Variants in CUBN observed in about 807,000 individuals in gnomAD.
CUBN encodes the protein 460 kDa receptor.
In CUBN, 282 loss-of-function variants were observed where a neutral mutation model predicts 405.3. That is an observed-to-expected ratio of 0.70 (90% CI 0.63 to 0.77). The LOEUF is 0.77. Ranked by LOEUF, CUBN falls within the 30% of genes least tolerant of loss-of-function variation. The pLI is 0.00. For synonymous variants in CUBN, 1,684 were observed against 1,617.0 expected (o/e 1.04, Z -0.99); for missense variants, 4,514 against 4,475.2 (o/e 1.01, Z -0.25).
chr10:16,924,134 G>A (rs1842116647), intron 43 of CUBN, among the ~76,000 whole-genome samples: 1 of 152,110 alleles, frequency 6.6e-6, no homozygotes, highest in Non-Finnish European at 1.5e-5. Flanking sequence ...TGTAGGATGG[G>A]TAGGATGGGC....
intron 14 of CUBN, among the ~76,000 whole-genome samples, chr10:17,097,096 A>C (rs890785663): frequency 6.6e-6 from 1 of 152,154 alleles, no homozygotes; most frequent in African/African-American, 2.4e-5. Context: ...GAAAATGATA[A>C]AACCATGAGG....
At chr10:16,908,125 T>C (rs1206644743) in intron 48 of CUBN, among the ~76,000 whole-genome samples, 2 of 152,138 alleles carry the variant, frequency 1.3e-5, no homozygotes, top group African/African-American at 2.4e-5. Context: ...AGCAGATATT[T>C]TTCTTTATTT....
chr10:16,995,570 G>GTGATCCACCTTTCCCTCCCA (rs1261171928), intron 28 of CUBN, among the ~76,000 whole-genome samples: 3 of 151,958 alleles, frequency 2.0e-5, no homozygotes, highest in African/African-American at 7.3e-5. Flanking sequence ...CTAGGCTCAA[G>GTGATCCACCTTTCCCTCCCA]TGATCCACCT....
In CUBN at chr10:17,067,101, T is replaced by C. The variant is rs545310698; in HGVS notation, c.3008+963A>G. On this transcript the variant is annotated intron_variant, in intron 21 of 66. Transcript: ENST00000377833. The stretch of plus-strand genomic sequence containing the variant: ...GCAGCCAAAAACATAAAATTGAAAA[T>C]GTCTGGTATCCCACTGAATATTACC... Among the ~76,000 whole-genome samples, 547 of 152,210 alleles carry C rather than the reference T, an allele frequency of 3.6e-3. 3 individuals are homozygous for C. The highest frequency in any genetic ancestry group is 0.013 in the African/African-American group (524 of 41,536).
At chr10:17,000,734 G>A (rs539403724) in intron 28 of CUBN, among the ~76,000 whole-genome samples, 1 of 152,286 alleles carries the variant, frequency 6.6e-6, no homozygotes, top group East Asian at 1.9e-4. Flanking sequence ...ACTGAGTTTT[G>A]TGTTCTGATT....
In CUBN at chr10:16,899,016, A is replaced by C. The variant is rs138719573; in HGVS notation, c.8578T>G (p.Cys2860Gly). The C allele has an allele frequency of 3.1e-6, 5 of 1,612,878 alleles. No individual in the cohort carries two copies. In the Admixed American group the frequency reaches 6.7e-5, roughly 22 times the overall value. The change falls in exon 54 of 67, where the codon TGT becomes GGT. Residue 2860 changes from cysteine to glycine, a missense_variant. By Grantham distance (159) the Cys-to-Gly change is radical. Transcript: ENST00000377833. Reference sequence around the variant, plus strand: ...CTAACCTTCACGAAGCTATTCTGACATTGTCCATCACCGCTGGGGATTAGG... The same window carrying C: ...CTAACCTTCACGAAGCTATTCTGACCTTGTCCATCACCGCTGGGGATTAGG... ...NFLIPSGDGQ[C>G]QNSFVKVWAG... is the part of the protein sequence containing the mutation.
rs185804946 is a variant in CUBN, at chr10:16,904,627, C to T, written c.7913-512G>A. ...AATATTTTTCATGAAGATTACATTTCGTGGGTTTGATGAACATGTACAGAG... is the reference window on the plus strand; with the variant it reads ...AATATTTTTCATGAAGATTACATTTTGTGGGTTTGATGAACATGTACAGAG... On this transcript the variant is annotated intron_variant, in intron 50 of 66. Coordinates refer to ENST00000377833, the MANE Select transcript of CUBN (RefSeq NM_001081.4). Among the ~76,000 whole-genome samples the T allele has an allele frequency of 1.6e-3, 250 of 152,328 alleles. 2 individuals are homozygous for T. The highest frequency in any genetic ancestry group is 5.6e-3 in the South Asian group (27 of 4,828).
Position 16,888,416 on chromosome 10 carries a change from C to A in CUBN, c.8905+1G>T. Reference sequence around the variant, plus strand: ...TAATTTTTTTAAAAGAATAAACTTACCTTCTAAGTGGAAGGACACAAAAGT... The same window carrying A: ...TAATTTTTTTAAAAGAATAAACTTAACTTCTAAGTGGAAGGACACAAAAGT... On this transcript the variant is annotated splice_donor_variant, in intron 56 of 66. Coordinates refer to ENST00000377833, the MANE Select transcript of CUBN (RefSeq NM_001081.4). LOFTEE classifies it high-confidence loss of function. 1.2e-6 allele frequency: 2 copies of A among 1,611,848 alleles called. No individual in the cohort carries two copies. Among genetic ancestry groups the A allele is most frequent in the Non-Finnish European group, 1.7e-6 (2 of 1,178,142 alleles).
intron 22 of CUBN, among the ~76,000 whole-genome samples, chr10:17,063,241 C>T (rs1020504199): frequency 3.3e-5 from 5 of 152,176 alleles, no homozygotes; most frequent in African/African-American, 1.2e-4. Flanking sequence ...TCCTGGATCT[C>T]GTCATCTGAT....
chr10:17,034,568 C>T (rs1834854484), intron 27 of CUBN, among the ~76,000 whole-genome samples: 1 of 152,050 alleles, frequency 6.6e-6, no homozygotes, highest in Non-Finnish European at 1.5e-5. Flanking sequence ...GCAAAGCTTG[C>T]TCTTGGGGAA....
chr10:16,990,497 G>A lies in CUBN; in HGVS notation c.4187C>T (p.Ser1396Phe). Residue 1396 changes from serine to phenylalanine, a missense_variant, in exon 29 of 67, where the codon TCT (serine) becomes TTT (phenylalanine). Physicochemically the swap from Ser to Phe is radical, Grantham distance 155. Around this residue, in one of 5 missense-constraint regions of CUBN, gnomAD observed 1,613 missense variants for 1,542.8 expected, o/e 1.05. Coordinates refer to ENST00000377833, the MANE Select transcript of CUBN (RefSeq NM_001081.4). ...WFVYGCGGEL[S>F]GATGSFSSPG... is the part of the protein sequence containing the mutation. Reference sequence around the variant, plus strand: ...GCTGCTGAAGGAGCCTGTGGCCCCAGACAGCTCTCCACCACAACCTGTTAA... The same window carrying A: ...GCTGCTGAAGGAGCCTGTGGCCCCAAACAGCTCTCCACCACAACCTGTTAA... 6.2e-7 allele frequency: 1 copy of A among 1,614,122 alleles called. No homozygotes were observed. The highest frequency in any genetic ancestry group is 1.1e-5 in the South Asian group (1 of 91,070).
intron 66 of CUBN, 129 bp downstream of exon 66, chr10:16,828,676 C>T (rs112783364): frequency 8.0e-5 from 60 of 745,864 alleles, no homozygotes; most frequent in South Asian, 1.2e-4. Flanking sequence ...TGAGATTGCG[C>T]GCACCACTGC....
chr10:16,845,939 C>T (rs368937411), intron 60 of CUBN, among the ~76,000 whole-genome samples: 4 of 152,324 alleles, frequency 2.6e-5, no homozygotes, highest in African/African-American at 9.6e-5. Context: ...GGGCCTATAA[C>T]TGGCATTTAG....
chr10:17,110,719 G>A (rs1337392859), intron 9 of CUBN, among the ~76,000 whole-genome samples, 200 bp downstream of exon 9: 2 of 152,162 alleles, frequency 1.3e-5, no homozygotes, highest in Admixed American at 1.3e-4. Flanking sequence ...GTAGAGACAG[G>A]GTTTCACCAT....
intron 13 of CUBN, among the ~76,000 whole-genome samples, chr10:17,102,411 C>G (rs1388482590): frequency 3.3e-5 from 5 of 151,378 alleles, no homozygotes; most frequent in Non-Finnish European, 7.4e-5. Flanking sequence ...CTCAGCCTCC[C>G]GAGTACCTGA....
rs189312992 is a variant in CUBN, at chr10:16,865,936, C to T, written c.9454+3700G>A. ...GGCTTCATTCTTGAAGTCAGTGAGACCACAAACCCACCAGAAGGAACCAAC... is the reference window on the plus strand; with the variant it reads ...GGCTTCATTCTTGAAGTCAGTGAGATCACAAACCCACCAGAAGGAACCAAC... On this transcript the variant is annotated intron_variant, in intron 59 of 66. Transcript: ENST00000377833. Among the ~76,000 whole-genome samples, 570 of 152,212 alleles carry T rather than the reference C, an allele frequency of 3.7e-3. 1 individual carries two copies. Among genetic ancestry groups the T allele is most frequent in the Non-Finnish European group, 6.6e-3 (452 of 68,018 alleles).
intron 14 of CUBN, among the ~76,000 whole-genome samples, chr10:17,098,184 G>A (rs189685945): frequency 4.8e-4 from 73 of 152,270 alleles, no homozygotes; most frequent in African/African-American, 1.7e-3. Flanking sequence ...GCATCAATTG[G>A]TAGCCACTGG....
At chr10:17,035,690 T>C (rs1242678338) in intron 27 of CUBN, among the ~76,000 whole-genome samples, 1 of 152,090 alleles carries the variant, frequency 6.6e-6, no homozygotes, top group Non-Finnish European at 1.5e-5. Context: ...TGCAAGAATG[T>C]GAATGGAGCT....
At chr10:17,102,782 T>A (rs1373258079) in intron 13 of CUBN, among the ~76,000 whole-genome samples, 2 of 151,542 alleles carry the variant, frequency 1.3e-5, no homozygotes, top group African/African-American at 4.9e-5. Context: ...AATTTTTTTT[T>A]ATTTGTTTTA....
Sources: allele counts gnomAD v4.1 joint callset (sites outside exome capture counted in the v4.1 genomes callset), GRCh38; gene constraint gnomAD v4.1.1; regional missense constraint gnomAD v4.1.1; transcripts MANE v1.5; gene names NCBI Gene and HGNC (gene_info 2026-07-23, HGNC 2026-07-21).